Variants in ALOX5 observed in about 807,000 individuals in gnomAD.
ALOX5 encodes polyunsaturated fatty acid 5-lipoxygenase.
Under a neutral mutation model 87.9 loss-of-function variants are expected in ALOX5, and 64 were observed. The observed-to-expected ratio is 0.73, with a 90% confidence interval of 0.60 to 0.90. The LOEUF is 0.90. Ranked by LOEUF, ALOX5 falls within the 40% of genes least tolerant of loss-of-function variation. The pLI is 0.00. For synonymous variants in ALOX5, 388 were observed against 355.1 expected (o/e 1.09, Z -1.04); for missense variants, 822 against 907.5 (o/e 0.91, Z 1.21).
chr10:45,434,120 T>C (rs1450137477), intron 7 of ALOX5, among the ~76,000 whole-genome samples: 3 of 152,224 alleles, frequency 2.0e-5, no homozygotes, highest in African/African-American at 4.8e-5. Flanking sequence ...TTCATTTCCA[T>C]GCCCTGTTGC....
chr10:45,394,982 A>G lies in ALOX5; in HGVS notation c.350-873A>G, dbSNP rs1007436144. Among the ~76,000 whole-genome samples, 12 of 152,344 alleles carry G rather than the reference A, an allele frequency of 7.9e-5. 1 individual carries two copies. The South Asian group carries it at 1.2e-3, about 16-fold the overall frequency. Reference sequence around the variant, plus strand: ...CAGGTGCTGGAGAGGGTGTGGAGAAATGGGAACACTTTTATACTGTTGGTG... The same window carrying G: ...CAGGTGCTGGAGAGGGTGTGGAGAAGTGGGAACACTTTTATACTGTTGGTG... On this transcript the variant is annotated intron_variant, in intron 2 of 13. Transcript: ENST00000374391.
At chr10:45,376,835 A>G (rs1839632339) in intron 1 of ALOX5, among the ~76,000 whole-genome samples, 1 of 152,182 alleles carries the variant, frequency 6.6e-6, no homozygotes, top group Admixed American at 6.5e-5. Flanking sequence ...AGTCCTTCGC[A>G]GGTGGGATTA....
At chr10:45,411,308 C>T (rs772057169) in intron 3 of ALOX5, among the ~76,000 whole-genome samples, 11 of 152,160 alleles carry the variant, frequency 7.2e-5, no homozygotes, top group Non-Finnish European at 1.6e-4. Context: ...GCATCAATGT[C>T]CTGTCTCATC....
intron 12 of ALOX5, 29 bp downstream of exon 12, chr10:45,443,857 G>A (rs1331860704): frequency 6.4e-7 from 1 of 1,573,066 alleles, no homozygotes; most frequent in East Asian, 2.4e-5. Flanking sequence ...GCTGGGCAGG[G>A]CTCCCTTCTC....
chr10:45,388,301 G>A (rs1840073843), intron 2 of ALOX5, among the ~76,000 whole-genome samples: 1 of 151,808 alleles, frequency 6.6e-6, no homozygotes, highest in Non-Finnish European at 1.5e-5. Flanking sequence ...AGAAACCTCT[G>A]CAGACTTAAA....
intron 4 of ALOX5, among the ~76,000 whole-genome samples, chr10:45,420,350 T>C (rs1419923912): frequency 6.6e-6 from 1 of 152,250 alleles, no homozygotes; most frequent in Non-Finnish European, 1.5e-5. Context: ...CATCATGTTG[T>C]TAAAAATGCA....
chr10:45,393,766 A>G (rs551132650), intron 2 of ALOX5, among the ~76,000 whole-genome samples: 1 of 152,380 alleles, frequency 6.6e-6, no homozygotes, highest in East Asian at 1.9e-4. Context: ...GTCTCAGGAT[A>G]CAAAATCAAT....
At position 45,445,971 on chromosome 10, in the gene ALOX5, T is replaced by C. The variant is rs923981198; in HGVS notation, c.*284T>C. ...ACAGCAAATCACGACCACTGATAGATGTCTATTCTTGTTGGAGACATGGGA... is the reference window on the plus strand; with the variant it reads ...ACAGCAAATCACGACCACTGATAGACGTCTATTCTTGTTGGAGACATGGGA... On this transcript the variant is annotated 3_prime_UTR_variant, in exon 14 of 14. Transcript: ENST00000374391. 2.0e-5 allele frequency: 8 copies of C among 397,866 alleles called. No individual in the cohort carries two copies. Among genetic ancestry groups the C allele is most frequent in the Admixed American group, 1.2e-4 (3 of 24,440 alleles). The allele number at this position is 397,866 out of a possible 1,614,324, so 24.6% of individuals were successfully genotyped here. A position where few individuals can be genotyped will look rare whatever the true frequency, so the allele number is the denominator to read the frequency against.
At chr10:45,394,797 A>T (rs918999504) in intron 2 of ALOX5, among the ~76,000 whole-genome samples, 1 of 152,250 alleles carries the variant, frequency 6.6e-6, no homozygotes, top group African/African-American at 2.4e-5. Flanking sequence ...TGGGCGAAGG[A>T]TATGAACAGA....
chr10:45,424,897 GGGCCAT>G lies in ALOX5; in HGVS notation c.662-58_662-53del, dbSNP rs1841641360. On this transcript the variant is annotated intron_variant, in intron 5 of 13. Coordinates refer to ENST00000374391, the MANE Select transcript of ALOX5 (RefSeq NM_000698.5). ...ACTCTGCTCTTAGGTGAGGTCAGGA[GGGCCAT>G]GGCCCTGGCTGCCCTCTACTCAGAG... 3.8e-6 allele frequency: 6 copies of G among 1,589,206 alleles called. No individual in the cohort carries two copies. In the South Asian group the frequency reaches 5.7e-5, roughly 15 times the overall value.
rs571768583 is a variant in ALOX5 at position 45,439,371 on chromosome 10, C to T, written c.982-1059C>T. On this transcript the variant is annotated intron_variant, in intron 7 of 13. Transcript: ENST00000374391. Reference sequence around the variant, plus strand: ...AGCCATGACCACTGTGCTGCAGTGACACTGGTCTTTCCCAGCACCTAAAGT... The same window carrying T: ...AGCCATGACCACTGTGCTGCAGTGATACTGGTCTTTCCCAGCACCTAAAGT... Among the ~76,000 whole-genome samples, 9 of 152,324 alleles carry T rather than the reference C, an allele frequency of 5.9e-5. 1 individual carries two copies. The highest frequency in any genetic ancestry group is 5.9e-4 in the Admixed American group (9 of 15,308).
chr10:45,436,737 AT>A (rs1245652550), intron 7 of ALOX5, among the ~76,000 whole-genome samples: 1 of 151,798 alleles, frequency 6.6e-6, no homozygotes. Flanking sequence ...CTATTCGGCT[AT>A]TTTTTGGTTC....
At chr10:45,380,833 T>C (rs1269123498) in intron 1 of ALOX5, among the ~76,000 whole-genome samples, 12 of 152,040 alleles carry the variant, frequency 7.9e-5, no homozygotes, top group Admixed American at 7.9e-4. Flanking sequence ...TCCCAGCTAC[T>C]TGGGAGACTG....
chr10:45,416,853 G>A (rs1364682051), intron 4 of ALOX5, among the ~76,000 whole-genome samples: 1 of 152,060 alleles, frequency 6.6e-6, no homozygotes, highest in African/African-American at 2.4e-5. Context: ...GAGATGGATG[G>A]ATGGATAGAT....
intron 10 of ALOX5, 42 bp downstream of exon 10, chr10:45,443,258 A>C: frequency 6.3e-7 from 1 of 1,596,446 alleles, no homozygotes; most frequent in Non-Finnish European, 8.5e-7. Flanking sequence ...AGGAGCCGGG[A>C]CCCCTGCCTG....
intron 4 of ALOX5, among the ~76,000 whole-genome samples, chr10:45,414,825 C>A (rs1014253725): frequency 6.6e-6 from 1 of 152,214 alleles, no homozygotes; most frequent in Non-Finnish European, 1.5e-5. Context: ...CCAATAGACA[C>A]ATGAAGAAAT....
intron 4 of ALOX5, among the ~76,000 whole-genome samples, chr10:45,423,010 G>A (rs549939830): frequency 6.7e-4 from 102 of 152,118 alleles, no homozygotes; most frequent in African/African-American, 2.3e-3. Context: ...ATCCCATCAC[G>A]GGTACCCCAC....
At chr10:45,385,224 A>G (rs1839970487) in intron 2 of ALOX5, among the ~76,000 whole-genome samples, 1 of 152,180 alleles carries the variant, frequency 6.6e-6, no homozygotes, top group Admixed American at 6.5e-5. Context: ...GCCAGCCTAC[A>G]AGTGATTCAA....
At chr10:45,380,319 C>T (rs1052962319) in intron 1 of ALOX5, among the ~76,000 whole-genome samples, 2 of 152,246 alleles carry the variant, frequency 1.3e-5, no homozygotes, top group Non-Finnish European at 2.9e-5. Flanking sequence ...TCATCAGAAA[C>T]TGTTCCTAGG....
Sources: allele counts gnomAD v4.1 joint callset (sites outside exome capture counted in the v4.1 genomes callset), GRCh38; gene constraint gnomAD v4.1.1; transcripts MANE v1.5; gene names NCBI Gene and HGNC (gene_info 2026-07-23, HGNC 2026-07-21).